Variants in LEMD1 observed in about 807,000 individuals in gnomAD.
LEMD1 encodes the protein LEM domain containing 1.
LEMD1 carries 18 observed loss-of-function variants against 17.4 expected under a neutral mutation model. That is an observed-to-expected ratio of 1.04 (90% confidence interval 0.72 to 1.54). The LOEUF (loss-of-function observed/expected upper bound fraction) is 1.54. Among genes scored for constraint, LEMD1 ranks in the 40% most tolerant of loss-of-function variants. The pLI is 0.00. For synonymous variants in LEMD1, 88 were observed against 77.8 expected (o/e 1.13, Z -0.69); for missense variants, 195 against 210.4 (o/e 0.93, Z 0.45).
At chr1:205,422,202 G>A (rs758315859), upstream of LEMD1, 1 of 152,190 alleles carries the variant, frequency 6.6e-6, no homozygotes. Context: ...AACAAAAGGA[G>A]GTACTGGTTG....
intron 4 of LEMD1, among the ~76,000 whole-genome samples, chr1:205,402,054 T>G (rs1457166397): frequency 5.3e-5 from 8 of 152,206 alleles, no homozygotes; most frequent in Non-Finnish European, 7.3e-5. Context: ...TCTGTTCCAT[T>G]GATCTATATC....
In LEMD1 at chr1:205,409,605, C is replaced by CT. The variant is rs55893508; in HGVS notation, c.270+6626dup. Among the ~76,000 whole-genome samples the CT allele has an allele frequency of 5.1e-4, 75 of 145,978 alleles. No individual in the cohort carries two copies. In the East Asian group the frequency reaches 7.5e-3, roughly 15 times the overall value. On this transcript the variant is annotated intron_variant, in intron 4 of 5. Coordinates refer to ENST00000367153, the MANE Select transcript of LEMD1 (RefSeq NM_001199050.2). The stretch of plus-strand genomic sequence containing the variant: ...AACCCAGGCAGTCTGGCTCTACAGT[C>CT]TTTTTTTTTTTTTAAGAGAAGGCCT...
intron 4 of LEMD1, among the ~76,000 whole-genome samples, chr1:205,396,173 G>T (rs182740991): frequency 2.5e-3 from 373 of 152,196 alleles, no homozygotes; most frequent in Middle Eastern, 3.4e-3. Flanking sequence ...ATGCTCAGCT[G>T]ATTGTTTTCT....
At chr1:205,394,869 C>A (rs932384044) in intron 4 of LEMD1, among the ~76,000 whole-genome samples, 1 of 151,760 alleles carries the variant, frequency 6.6e-6, no homozygotes, top group Non-Finnish European at 1.5e-5. Flanking sequence ...CACCTGTAAT[C>A]CCAACTACTC....
chr1:205,434,075 A>G (rs1313143258), intron 1 of LEMD1, among the ~76,000 whole-genome samples: 1 of 152,128 alleles, frequency 6.6e-6, no homozygotes, highest in African/African-American at 2.4e-5. Flanking sequence ...TCTTGTTCTT[A>G]ATGTTATGCC....
chr1:205,445,543 G>C (rs2102471755), intron 1 of LEMD1, among the ~76,000 whole-genome samples: 1 of 152,332 alleles, frequency 6.6e-6, no homozygotes, highest in Admixed American at 6.5e-5. Context: ...TAGCTTGCCA[G>C]ACCAGCCACC....
chr1:205,435,718 T>A (rs1666194232), intron 1 of LEMD1: 1 of 152,196 alleles, frequency 6.6e-6, no homozygotes, highest in African/African-American at 2.4e-5. Flanking sequence ...CATACCTGTG[T>A]AGGAAAAAAT....
At chr1:205,425,573 C>T (rs1335392815), upstream of LEMD1, among the ~76,000 whole-genome samples, 2 of 152,194 alleles carry the variant, frequency 1.3e-5, no homozygotes, top group African/African-American at 4.8e-5. Context: ...ACGTACCAGG[C>T]ACCCTGCTAA....
At chr1:205,432,351 G>A (rs1666136852) in intron 1 of LEMD1, among the ~76,000 whole-genome samples, 1 of 152,152 alleles carries the variant, frequency 6.6e-6, no homozygotes, top group Non-Finnish European at 1.5e-5. Flanking sequence ...TCCCTCCTTG[G>A]CCCAGTGTGC....
chr1:205,400,843 T>TCCCCCCCC (rs58251224), intron 4 of LEMD1, among the ~76,000 whole-genome samples: 14 of 79,714 alleles, frequency 1.8e-4, no homozygotes, highest in South Asian at 7.4e-4. Flanking sequence ...ATGCTATCCC[T>TCCCCCCCC]CCCCCCCCCC....
At chr1:205,444,459 C>T (rs1012796420) in intron 1 of LEMD1, among the ~76,000 whole-genome samples, 4 of 152,054 alleles carry the variant, frequency 2.6e-5, no homozygotes, top group African/African-American at 4.8e-5. Context: ...GGAGGTTCCT[C>T]GGCCTCCCTG....
In LEMD1 at chr1:205,401,154, C is replaced by T. The variant is rs1400377535; in HGVS notation, c.270+15078G>A. Among the ~76,000 whole-genome samples the T allele has an allele frequency of 2.0e-5, 3 of 151,710 alleles. No individual in the cohort carries two copies. In the East Asian group the frequency reaches 5.8e-4, roughly 29 times the overall value. ...CTATTGTGAATAGTGCCGCAATAAA[C>T]ATACGTGTGCATGTGTCTTTATAGC... On this transcript the variant is annotated intron_variant, in intron 4 of 5. Transcript: ENST00000367153.
At chr1:205,384,577 C>T (rs1663896272) in intron 4 of LEMD1, among the ~76,000 whole-genome samples, 3 of 152,100 alleles carry the variant, frequency 2.0e-5, no homozygotes, top group South Asian at 2.1e-4. Context: ...TTCAGTGACT[C>T]GCATGAGAAC....
chr1:205,425,388 G>T (rs571016802), upstream of LEMD1, among the ~76,000 whole-genome samples: 21 of 152,128 alleles, frequency 1.4e-4, no homozygotes, highest in Admixed American at 1.0e-3. Flanking sequence ...AGGTGCGGAG[G>T]GGGAGGACAG....
chr1:205,434,699 T>C (rs552739624), intron 1 of LEMD1, among the ~76,000 whole-genome samples: 1 of 152,292 alleles, frequency 6.6e-6, no homozygotes, highest in African/African-American at 2.4e-5. Context: ...CAAAGCCTCC[T>C]TCTTGGCCCC....
upstream of LEMD1, among the ~76,000 whole-genome samples, chr1:205,424,897 G>A (rs1666035336): frequency 2.0e-5 from 3 of 152,160 alleles, no homozygotes; most frequent in Admixed American, 2.0e-4. Context: ...AATTGGTAAG[G>A]AACAGTCTGG....
intron 1 of LEMD1, among the ~76,000 whole-genome samples, chr1:205,432,257 G>A (rs1251264070): frequency 6.6e-6 from 1 of 152,166 alleles, no homozygotes; most frequent in Non-Finnish European, 1.5e-5. Context: ...GCCTGGCCAG[G>A]TAGTGCAATG....
At chr1:205,415,235 CA>C (rs1273906988) in intron 4 of LEMD1, among the ~76,000 whole-genome samples, 2 of 152,122 alleles carry the variant, frequency 1.3e-5, no homozygotes, top group Non-Finnish European at 2.9e-5. Flanking sequence ...GTTAGGTAAC[CA>C]TTTGTCAAAT....
intron 1 of LEMD1, among the ~76,000 whole-genome samples, chr1:205,433,683 G>A (rs886621590): frequency 2.0e-5 from 3 of 152,130 alleles, no homozygotes; most frequent in South Asian, 2.1e-4. Flanking sequence ...GCATCTTGGC[G>A]GACTCCTGAA....
Sources: allele counts gnomAD v4.1 joint callset (sites outside exome capture counted in the v4.1 genomes callset), GRCh38; gene constraint gnomAD v4.1.1; transcripts MANE v1.5; gene names NCBI Gene and HGNC (gene_info 2026-07-23, HGNC 2026-07-21).